NUDT13: variants seen among roughly 807,000 people sequenced by gnomAD.
NUDT13 encodes NAD(P)H pyrophosphatase NUDT13, mitochondrial.
NUDT13 carries 40 observed loss-of-function variants against 41.7 expected under a neutral mutation model. The observed-to-expected ratio is 0.96, with a 90% confidence interval of 0.75 to 1.25. NUDT13 has a LOEUF of 1.25. NUDT13 is among the 50% of genes most tolerant of loss of function. The pLI is 0.00. For synonymous variants in NUDT13, 145 were observed against 155.5 expected (o/e 0.93, Z 0.50); for missense variants, 390 against 416.1 (o/e 0.94, Z 0.55).
intron 7 of NUDT13, among the ~76,000 whole-genome samples, chr10:73,125,794 C>CCCA (rs1216675012): frequency 6.6e-6 from 1 of 151,524 alleles, no homozygotes; most frequent in Admixed American, 6.6e-5. Context: ...AAGCAATCCT[C>CCCA]CCACCTCAGC....
chr10:73,112,857 T>C (rs1409664908), intron 1 of NUDT13, among the ~76,000 whole-genome samples: 2 of 151,744 alleles, frequency 1.3e-5, no homozygotes, highest in Non-Finnish European at 2.9e-5. Context: ...TATATATATA[T>C]TTTTTTCACT....
chr10:73,122,062 G>A, intron 3 of NUDT13, 113 bp from the exon 4 acceptor site: 2 of 1,256,314 alleles, frequency 1.6e-6, no homozygotes, highest in Non-Finnish European at 1.1e-6. Flanking sequence ...TGGAAGCCAA[G>A]TATACCCACT....
At chr10:73,125,568 A>C in intron 7 of NUDT13, 59 bp downstream of exon 7, 11 of 1,106,730 alleles carry the variant, frequency 9.9e-6, no homozygotes, top group Non-Finnish European at 1.3e-5. Context: ...TACTAATACA[A>C]TCTTCTCTGT....
At chr10:73,117,814 AT>A in intron 2 of NUDT13, among the ~76,000 whole-genome samples, 2 of 152,314 alleles carry the variant, frequency 1.3e-5, no homozygotes, top group Middle Eastern at 3.4e-3. Flanking sequence ...AAGATTGACT[AT>A]TTTTTACTGT....
At position 73,130,969 on chromosome 10, in the gene NUDT13, AAGG is replaced by A; in HGVS notation, c.*69_*71del. ...GGGACAAACTAGAGATCAGTTGACA[AAGG>A]AGAAGTGACAAAAGATAAGCTGCAG... On this transcript the variant is annotated 3_prime_UTR_variant, in exon 9 of 9. Transcript: ENST00000357321. 8.6e-6 allele frequency: 12 copies of A among 1,392,884 alleles called. No homozygotes were observed. Among genetic ancestry groups the A allele is most frequent in the Non-Finnish European group, 1.1e-5 (11 of 986,880 alleles). The allele number at this position is 1,392,884 out of a possible 1,614,324, so 86.3% of individuals were successfully genotyped here. A position where few individuals can be genotyped will look rare whatever the true frequency, so the allele number is the denominator to read the frequency against.
At chr10:73,129,227 C>G (rs1842860204) in intron 8 of NUDT13, among the ~76,000 whole-genome samples, 1 of 137,852 alleles carries the variant, frequency 7.3e-6, no homozygotes, top group Non-Finnish European at 1.5e-5. Context: ...GGCTGGAGTG[C>G]AGTGGCACAA....
At chr10:73,116,042 C>T (rs1842498760) in intron 2 of NUDT13, among the ~76,000 whole-genome samples, 1 of 151,978 alleles carries the variant, frequency 6.6e-6, no homozygotes, top group African/African-American at 2.4e-5. Context: ...GGATCTTGCT[C>T]TGTCACACAG....
Position 73,122,160 on chromosome 10 carries a change from C to G in NUDT13, c.224-15C>G. ...TTGTGTTTTGCTTTTCTCCCTTCCCCTTTCTGTTTCTTAGAGTTGGAAAGG... is the reference window on the plus strand; with the variant it reads ...TTGTGTTTTGCTTTTCTCCCTTCCCGTTTCTGTTTCTTAGAGTTGGAAAGG... On this transcript the variant is annotated splice_polypyrimidine_tract_variant and intron_variant, in intron 3 of 8. Transcript: ENST00000357321. 1 of 1,609,828 alleles carries G rather than the reference C, an allele frequency of 6.2e-7. No individual in the cohort carries two copies. The highest frequency in any genetic ancestry group is 8.5e-7 in the Non-Finnish European group (1 of 1,178,532).
At chr10:73,113,796 T>C (rs561772396) in intron 1 of NUDT13, among the ~76,000 whole-genome samples, 21 of 152,334 alleles carry the variant, frequency 1.4e-4, no homozygotes, top group African/African-American at 4.8e-4. Flanking sequence ...TCATTTAGTG[T>C]CAAAGCTGGC....
At position 73,125,384 on chromosome 10, in the gene NUDT13, T is replaced by C. The variant is rs1046638498; in HGVS notation, c.592-14T>C. 3.1e-6 allele frequency: 5 copies of C among 1,613,144 alleles called. No individual in the cohort carries two copies. The highest frequency in any genetic ancestry group is 3.3e-5 in the Admixed American group (2 of 59,954). On this transcript the variant is annotated splice_polypyrimidine_tract_variant and intron_variant, in intron 6 of 8. Coordinates refer to ENST00000357321, the MANE Select transcript of NUDT13 (RefSeq NM_015901.6). Reference sequence around the variant, plus strand: ...CAAAGTGCCAGCATCTCAGTTTCCATTCCCCTTTCCTAGATGGCTCCTGTG... The same window carrying C: ...CAAAGTGCCAGCATCTCAGTTTCCACTCCCCTTTCCTAGATGGCTCCTGTG...
intron 7 of NUDT13, 149 bp from the exon 8 acceptor site, chr10:73,126,524 T>G: frequency 1.3e-6 from 1 of 795,390 alleles, no homozygotes. Context: ...ACCTGATTCT[T>G]ATTGTTGGAA....
chr10:73,125,124 G>A lies in NUDT13; in HGVS notation c.472G>A (p.Ala158Thr). 3 of 1,608,350 alleles carry A rather than the reference G, an allele frequency of 1.9e-6. No homozygotes were observed. The highest frequency in any genetic ancestry group is 1.3e-5 in the African/African-American group (1 of 74,398). Residue 158 changes from alanine (A) to threonine (T), a missense_variant, in exon 6 of 9, where the codon GCT (alanine) becomes ACT (threonine). Physicochemically the swap from Ala to Thr is moderately conservative, Grantham distance 58. Transcript: ENST00000357321. ...RDASLLSTAQ[A>T]LLRWHDAHQF... Reference sequence around the variant, plus strand: ...CCCATCATTGTGTTCCTAGGCTCAAGCTCTTCTCCGCTGGCATGATGCTCA... The same window carrying A: ...CCCATCATTGTGTTCCTAGGCTCAAACTCTTCTCCGCTGGCATGATGCTCA...
At chr10:73,113,596 C>T (rs564777463) in intron 1 of NUDT13, among the ~76,000 whole-genome samples, 7 of 152,268 alleles carry the variant, frequency 4.6e-5, no homozygotes, top group Non-Finnish European at 8.8e-5. Flanking sequence ...TCATCTTTTA[C>T]ATTTTTGTGT....
rs1842738147 is a variant in NUDT13 at position 73,125,123 on chromosome 10, A to G, written c.471A>G (p.Gln157=). 6.8e-6 allele frequency: 11 copies of G among 1,608,446 alleles called. No homozygotes were observed. The highest frequency in any genetic ancestry group is 9.3e-6 in the Non-Finnish European group (11 of 1,178,484). Reference sequence around the variant, plus strand: ...GCCCATCATTGTGTTCCTAGGCTCAAGCTCTTCTCCGCTGGCATGATGCTC... The same window carrying G: ...GCCCATCATTGTGTTCCTAGGCTCAGGCTCTTCTCCGCTGGCATGATGCTC... ...ARDASLLSTA[Q]ALLRWHDAHQ... Residue 157 remains glutamine (Q), a synonymous_variant, in exon 6 of 9, where the codon CAA becomes CAG. Transcript: ENST00000357321.
At chr10:73,126,958 T>A (rs1318033478) in intron 8 of NUDT13, 131 bp downstream of exon 8, 15 of 842,106 alleles carry the variant, frequency 1.8e-5, no homozygotes, top group Non-Finnish European at 3.8e-6. Flanking sequence ...AAAATATGAT[T>A]TAGGGCTGAG....
Position 73,131,151 on chromosome 10 carries a change from G to A in NUDT13, c.*248G>A, listed in dbSNP as rs1316901491. The A allele has an allele frequency of 1.3e-5, 5 of 391,850 alleles. No individual in the cohort carries two copies. Among genetic ancestry groups the A allele is most frequent in the African/African-American group, 6.1e-5 (3 of 49,056 alleles). The allele number at this position is 391,850 out of a possible 1,614,324, so 24.3% of individuals were successfully genotyped here. A position where few individuals can be genotyped will look rare whatever the true frequency, so the allele number is the denominator to read the frequency against. On this transcript the variant is annotated 3_prime_UTR_variant, in exon 9 of 9. Transcript: ENST00000357321. ...TCAACTGTCAAAAATCAGGGGGAAG[G>A]GGGAAGCATTAGTTTGGATGTAGGC... is the stretch of plus-strand genomic sequence containing the variant.
At chr10:73,116,678 G>T (rs1589654256) in intron 2 of NUDT13, among the ~76,000 whole-genome samples, 1 of 151,906 alleles carries the variant, frequency 6.6e-6, no homozygotes, top group African/African-American at 2.4e-5. Flanking sequence ...GGAGGTGGAA[G>T]TTGCAATAAG....
In NUDT13 at chr10:73,129,597, C is replaced by T. The variant is rs534635520; in HGVS notation, c.859-1106C>T. Among the ~76,000 whole-genome samples, 29 of 151,824 alleles carry T rather than the reference C, an allele frequency of 1.9e-4. No individual in the cohort carries two copies. In the South Asian group the frequency reaches 6.0e-3, roughly 32 times the overall value. Reference sequence around the variant, plus strand: ...TAGAATATCTAATCTATTTCAGCTTCCTTGGGATGAAGTTTGCATTACTTT... The same window carrying T: ...TAGAATATCTAATCTATTTCAGCTTTCTTGGGATGAAGTTTGCATTACTTT... On this transcript the variant is annotated intron_variant, in intron 8 of 8. Transcript: ENST00000357321.
At chr10:73,114,160 G>C (rs938563307) in intron 1 of NUDT13, among the ~76,000 whole-genome samples, 197 bp from the exon 2 acceptor site, 2 of 152,086 alleles carry the variant, frequency 1.3e-5, no homozygotes, top group Non-Finnish European at 2.9e-5. Context: ...AAGAAGTACT[G>C]AAATGTTGAG....
Sources: allele counts gnomAD v4.1 joint callset (sites outside exome capture counted in the v4.1 genomes callset), GRCh38; gene constraint gnomAD v4.1.1; transcripts MANE v1.5; gene names NCBI Gene and HGNC (gene_info 2026-07-23, HGNC 2026-07-21).